GRM5: variants seen among roughly 807,000 people sequenced by gnomAD.
GRM5 encodes the protein glutamate metabotropic receptor 5, also known as metabotropic glutamate receptor 5.
In GRM5, 19 loss-of-function variants were observed where a neutral mutation model predicts 83.1. That is an observed-to-expected ratio of 0.23 (90% CI 0.16 to 0.34). The LOEUF is 0.34. GRM5 is among the 10% of genes least tolerant of loss of function. The pLI is 1.00. For synonymous variants in GRM5, 675 were observed against 633.6 expected, an observed-to-expected ratio of 1.07 and a Z score of -0.98; for missense variants, 1,160 against 1,588.3, an observed-to-expected ratio of 0.73 and a Z score of 4.58.
At chr11:88,727,153 TGCAAA>T in intron 3 of GRM5, among the ~76,000 whole-genome samples, 1 of 152,298 alleles carries the variant, frequency 6.6e-6, no homozygotes, top group African/African-American at 2.4e-5. Context: ...CCATCTCATG[TGCAAA>T]GACGCACATA....
intron 2 of GRM5, among the ~76,000 whole-genome samples, chr11:89,014,017 A>G (rs1408713497): frequency 6.6e-6 from 1 of 152,178 alleles, no homozygotes; most frequent in Non-Finnish European, 1.5e-5. Context: ...TTCAGAAGAG[A>G]CAGTGTGCCC....
At chr11:88,586,649 G>C (rs1339444317) in intron 7 of GRM5, among the ~76,000 whole-genome samples, 1 of 152,152 alleles carries the variant, frequency 6.6e-6, no homozygotes, top group Non-Finnish European at 1.5e-5. Flanking sequence ...TAGCAATTCC[G>C]AGTGATGTGT....
At chr11:88,656,739 TCA>T (rs1429593674) in intron 3 of GRM5, among the ~76,000 whole-genome samples, 1 of 152,150 alleles carries the variant, frequency 6.6e-6, no homozygotes, top group Non-Finnish European at 1.5e-5. Flanking sequence ...GGTTCCATAT[TCA>T]CAGATTTCAT....
intron 3 of GRM5, among the ~76,000 whole-genome samples, chr11:88,789,415 T>A (rs1046219325): frequency 1.5e-4 from 23 of 152,154 alleles, no homozygotes; most frequent in African/African-American, 5.5e-4. Flanking sequence ...AATTTAAGAA[T>A]GAATTATTTC....
At chr11:88,809,639 T>G (rs1028959129) in intron 3 of GRM5, among the ~76,000 whole-genome samples, 7 of 151,886 alleles carry the variant, frequency 4.6e-5, no homozygotes, top group Non-Finnish European at 1.0e-4. Context: ...ACTTGGGCAA[T>G]TTGGGGAAAG....
intron 8 of GRM5, among the ~76,000 whole-genome samples, chr11:88,561,420 T>G (rs1219031202): frequency 6.6e-6 from 1 of 152,142 alleles, no homozygotes; most frequent in South Asian, 2.1e-4. Flanking sequence ...CTGAGAAAAT[T>G]TATAACTTCC....
chr11:88,841,600 T>C (rs1255694508), intron 3 of GRM5, among the ~76,000 whole-genome samples: 1 of 152,182 alleles, frequency 6.6e-6, no homozygotes, highest in Admixed American at 6.5e-5. Context: ...TACGTTTCCT[T>C]TTCTTTCGTT....
intron 3 of GRM5, among the ~76,000 whole-genome samples, chr11:88,826,540 G>A (rs1012791372): frequency 3.3e-5 from 5 of 151,762 alleles, no homozygotes; most frequent in African/African-American, 1.2e-4. Context: ...CCAGCATCTG[G>A]TAGCCACTAG....
At chr11:88,935,688 A>C (rs1421874405) in intron 2 of GRM5, among the ~76,000 whole-genome samples, 1 of 151,970 alleles carries the variant, frequency 6.6e-6, no homozygotes. Flanking sequence ...CAACGGATGA[A>C]TGAAAAGGGA....
chr11:88,788,243 C>CCCTTTG (rs1331316399), intron 3 of GRM5, among the ~76,000 whole-genome samples: 2 of 152,098 alleles, frequency 1.3e-5, no homozygotes, highest in African/African-American at 4.8e-5. Context: ...ACCTGACAAA[C>CCCTTTG]CCTTTGGATA....
intron 4 of GRM5, among the ~76,000 whole-genome samples, chr11:88,621,874 G>C (rs575549964): frequency 1.2e-4 from 19 of 152,098 alleles, no homozygotes; most frequent in Non-Finnish European, 2.4e-4. Flanking sequence ...AATTGAACCA[G>C]AAAATGCAGA....
chr11:88,877,572 G>A (rs1369847628), intron 2 of GRM5, among the ~76,000 whole-genome samples: 2 of 151,988 alleles, frequency 1.3e-5, no homozygotes, highest in East Asian at 3.9e-4. Flanking sequence ...CAGCACTTTG[G>A]GAGGCCAAAG....
At chr11:88,948,095 C>T (rs1176552761) in intron 2 of GRM5, among the ~76,000 whole-genome samples, 2 of 152,146 alleles carry the variant, frequency 1.3e-5, no homozygotes, top group Non-Finnish European at 2.9e-5. Flanking sequence ...CTAACCTAAT[C>T]TCAGCCAGAG....
intron 2 of GRM5, among the ~76,000 whole-genome samples, chr11:88,984,134 T>A (rs1406533749): frequency 6.6e-6 from 1 of 152,118 alleles, no homozygotes; most frequent in Non-Finnish European, 1.5e-5. Flanking sequence ...TGGCTTAAGT[T>A]TACTGTGTTT....
chr11:88,587,416 A>G (rs909753576), intron 7 of GRM5, among the ~76,000 whole-genome samples: 5 of 152,140 alleles, frequency 3.3e-5, no homozygotes, highest in Admixed American at 3.3e-4. Flanking sequence ...CAGAATGTAA[A>G]ATGAAAGATG....
At chr11:88,896,676 T>A (rs954365964) in intron 2 of GRM5, among the ~76,000 whole-genome samples, 6 of 151,838 alleles carry the variant, frequency 4.0e-5, no homozygotes, top group African/African-American at 1.4e-4. Context: ...ATAGAAAGAA[T>A]GGTGTCCCAA....
chr11:88,653,511 C>T lies in GRM5; in HGVS notation c.912-108G>A, dbSNP rs141964923. 2.4e-3 allele frequency: 1,642 copies of T among 675,258 alleles called. 10 individuals are homozygous for T. Among genetic ancestry groups the T allele is most frequent in the Middle Eastern group, 3.2e-3 (13 of 4,040 alleles). The allele number at this position is 675,258 out of a possible 1,614,324, so 41.8% of individuals were successfully genotyped here. On this transcript the variant is annotated intron_variant, in intron 3 of 9. Transcript: ENST00000305447. The stretch of plus-strand genomic sequence containing the variant: ...TAGTCATTAAATGGCTACCTCAGGC[C>T]CCATGATGGTCCTATATTACACCGA...
At chr11:89,013,278 C>T (rs1468566782) in intron 2 of GRM5, among the ~76,000 whole-genome samples, 1 of 152,144 alleles carries the variant, frequency 6.6e-6, no homozygotes, top group Admixed American at 6.5e-5. Flanking sequence ...GCTTTCCTTG[C>T]TCATGTTCCT....
intron 7 of GRM5, 34 bp downstream of exon 7, chr11:88,590,566 GT>G (rs765941348): frequency 6.3e-7 from 1 of 1,590,962 alleles, no homozygotes; most frequent in African/African-American, 1.3e-5. Flanking sequence ...CCATTTTTCA[GT>G]TAATTTATAT....
Sources: gnomAD v4.1 joint callset for allele counts (sites outside exome capture counted in the v4.1 genomes callset) on GRCh38, gnomAD v4.1.1 for gene constraint, MANE v1.5 for transcripts, NCBI Gene and HGNC (gene_info 2026-07-23, HGNC 2026-07-21) for gene names.